Variants in ROBO2 observed in about 807,000 individuals in gnomAD.
ROBO2 encodes roundabout homolog 2.
Under a neutral mutation model 160.8 loss-of-function variants are expected in ROBO2, and 53 were observed. That is an observed-to-expected ratio of 0.33 (90% CI 0.26 to 0.41). The LOEUF (loss-of-function observed/expected upper bound fraction) is 0.41. Among genes scored for constraint, ROBO2 ranks in the 10% least tolerant of loss-of-function variants. The pLI, the probability that ROBO2 is intolerant of heterozygous loss-of-function variation, is 1.00. For missense variants in ROBO2, 1,577 were observed against 1,722.4 expected (o/e 0.92, Z 1.49); for synonymous variants, 664 against 611.7 (o/e 1.09, Z -1.26).
chr3:76,013,833 G>T (rs1264430730), intron 2 of ROBO2, among the ~76,000 whole-genome samples: 3 of 151,900 alleles, frequency 2.0e-5, no homozygotes, highest in African/African-American at 7.3e-5. Flanking sequence ...TGGCTTATGC[G>T]TGTAATCCCA....
intron 2 of ROBO2, among the ~76,000 whole-genome samples, chr3:76,613,057 T>G (rs1334332909): frequency 1.3e-5 from 2 of 152,318 alleles, no homozygotes; most frequent in African/African-American, 4.8e-5. Flanking sequence ...TTTAATTCAT[T>G]CAGCCACTCT....
chr3:76,685,537 C>T (rs1250828799), intron 2 of ROBO2, among the ~76,000 whole-genome samples: 1 of 151,928 alleles, frequency 6.6e-6, no homozygotes, highest in Non-Finnish European at 1.5e-5. Context: ...TCATTGTTGA[C>T]TTCCGATCAC....
At chr3:76,398,028 A>C (rs1206070037) in intron 2 of ROBO2, among the ~76,000 whole-genome samples, 2 of 152,184 alleles carry the variant, frequency 1.3e-5, no homozygotes, top group Non-Finnish European at 2.9e-5. Context: ...ATGTACACGT[A>C]TGTTTATTGT....
intron 2 of ROBO2, among the ~76,000 whole-genome samples, chr3:76,047,817 G>C (rs2067501117): frequency 6.6e-6 from 1 of 152,046 alleles, no homozygotes; most frequent in African/African-American, 2.4e-5. Context: ...AATCTAATCT[G>C]CAGATTACTA....
At chr3:77,265,051 T>C (rs1415909636) in intron 2 of ROBO2, among the ~76,000 whole-genome samples, 1 of 152,176 alleles carries the variant, frequency 6.6e-6, no homozygotes, top group Non-Finnish European at 1.5e-5. Flanking sequence ...TCTGATGGAA[T>C]TGGAATATGG....
At chr3:77,566,495 G>A (rs867276576) in intron 12 of ROBO2, among the ~76,000 whole-genome samples, 15 of 152,068 alleles carry the variant, frequency 9.9e-5, no homozygotes, top group African/African-American at 2.6e-4. Flanking sequence ...ACAATTTTAC[G>A]TCAAGAAATT....
chr3:77,178,759 A>G (rs887216906), intron 2 of ROBO2, among the ~76,000 whole-genome samples: 21 of 152,102 alleles, frequency 1.4e-4, no homozygotes, highest in African/African-American at 4.6e-4. Flanking sequence ...TCTCTTAAAT[A>G]TACTCCTGAA....
intron 2 of ROBO2, among the ~76,000 whole-genome samples, chr3:76,773,885 T>C (rs1311502683): frequency 6.6e-6 from 1 of 150,868 alleles, no homozygotes; most frequent in East Asian, 2.0e-4. Flanking sequence ...GTGGGGACCT[T>C]AATAACATGA....
At chr3:77,246,684 G>C (rs2089770287) in intron 2 of ROBO2, among the ~76,000 whole-genome samples, 1 of 152,000 alleles carries the variant, frequency 6.6e-6, no homozygotes, top group Non-Finnish European at 1.5e-5. Context: ...CTTTTCCTTT[G>C]TTATGGAATT....
At chr3:76,689,488 A>G (rs2092754257) in intron 2 of ROBO2, among the ~76,000 whole-genome samples, 1 of 152,090 alleles carries the variant, frequency 6.6e-6, no homozygotes, top group Non-Finnish European at 1.5e-5. Context: ...GGAAAATTAC[A>G]ATTATAGTTT....
intron 2 of ROBO2, among the ~76,000 whole-genome samples, chr3:76,017,904 T>C (rs923633648): frequency 3.9e-4 from 60 of 152,096 alleles, no homozygotes; most frequent in African/African-American, 1.4e-3. Context: ...AGAGGAAATT[T>C]AAGGATTTCC....
chr3:77,304,819 T>A (rs1239259078), intron 2 of ROBO2, among the ~76,000 whole-genome samples: 1 of 152,188 alleles, frequency 6.6e-6, no homozygotes, highest in Non-Finnish European at 1.5e-5. Flanking sequence ...GTATTGTGCT[T>A]AGCAGATTGT....
chr3:76,292,892 A>G (rs1413920656), intron 2 of ROBO2, among the ~76,000 whole-genome samples: 2 of 151,952 alleles, frequency 1.3e-5, no homozygotes, highest in African/African-American at 2.4e-5. Flanking sequence ...CTACCTTGTT[A>G]CAAGTGACCA....
chr3:77,333,238 A>T (rs1276740441), intron 2 of ROBO2, among the ~76,000 whole-genome samples: 3 of 152,206 alleles, frequency 2.0e-5, no homozygotes, highest in African/African-American at 7.2e-5. Flanking sequence ...AGATTTGTTG[A>T]TTCAACCATG....
intron 2 of ROBO2, among the ~76,000 whole-genome samples, chr3:76,493,337 T>TTTTATATATATATA (rs1460408407): frequency 2.9e-5 from 3 of 104,816 alleles, no homozygotes; most frequent in African/African-American, 1.1e-4. Flanking sequence ...AGACAAAAAA[T>TTTTATATATATATA]TATATATATA....
At chr3:75,966,934 G>A (rs1395475147) in intron 2 of ROBO2, among the ~76,000 whole-genome samples, 2 of 151,314 alleles carry the variant, frequency 1.3e-5, no homozygotes, top group Admixed American at 6.6e-5. Context: ...TTTGACCTTC[G>A]GTCTCTACAG....
At chr3:76,393,745 C>T (rs889453443) in intron 2 of ROBO2, among the ~76,000 whole-genome samples, 2 of 152,128 alleles carry the variant, frequency 1.3e-5, no homozygotes, top group Non-Finnish European at 2.9e-5. Context: ...TTTGAGCCAT[C>T]TCTGGACAGA....
chr3:76,709,600 A>T (rs1157140658), intron 2 of ROBO2, among the ~76,000 whole-genome samples: 1 of 152,150 alleles, frequency 6.6e-6, no homozygotes, highest in African/African-American at 2.4e-5. Flanking sequence ...ATGATGCCAT[A>T]GAAAAGGGGT....
At chr3:77,415,212 G>A (rs1338643119) in intron 2 of ROBO2, among the ~76,000 whole-genome samples, 1 of 152,194 alleles carries the variant, frequency 6.6e-6, no homozygotes, top group African/African-American at 2.4e-5. Context: ...TGTCTGGGAG[G>A]TGTAGAGAAG....
Sources: allele counts gnomAD v4.1 joint callset (sites outside exome capture counted in the v4.1 genomes callset), GRCh38; gene constraint gnomAD v4.1.1; transcripts MANE v1.5; gene names NCBI Gene and HGNC (gene_info 2026-07-23, HGNC 2026-07-21).